Variants in NRXN3 observed in about 807,000 individuals in gnomAD.
NRXN3 encodes the protein neurexin III.
In NRXN3, 32 loss-of-function variants were observed where a neutral mutation model predicts 137.6. That is an observed-to-expected ratio of 0.23 (90% CI 0.18 to 0.31). NRXN3 has a LOEUF of 0.31. NRXN3 is among the 10% of genes least tolerant of loss of function. The pLI, the probability that NRXN3 is intolerant of heterozygous loss-of-function variation, is 1.00. For missense variants in NRXN3, 1,574 were observed against 2,062.5 expected (o/e 0.76, Z 4.59); for synonymous variants, 798 against 784.5 (o/e 1.02, Z -0.29).
At chr14:79,499,135 A>C (rs2096795569) in intron 16 of NRXN3, among the ~76,000 whole-genome samples, 1 of 152,164 alleles carries the variant, frequency 6.6e-6, no homozygotes, top group African/African-American at 2.4e-5. Context: ...TAAAATCCTC[A>C]TGTAGCTTTA....
intron 10 of NRXN3, among the ~76,000 whole-genome samples, chr14:78,920,373 T>G (rs1490886540): frequency 6.6e-6 from 1 of 152,234 alleles, no homozygotes; most frequent in Non-Finnish European, 1.5e-5. Flanking sequence ...CGGAAAATAC[T>G]GGAAATTTTT....
At chr14:78,718,766 A>G (rs373220128) in intron 8 of NRXN3, among the ~76,000 whole-genome samples, 1 of 152,168 alleles carries the variant, frequency 6.6e-6, no homozygotes, top group East Asian at 1.9e-4. Flanking sequence ...TACCTATCCC[A>G]ACTGTTTAGC....
chr14:78,930,213 T>C (rs1469047332), intron 10 of NRXN3, among the ~76,000 whole-genome samples: 1 of 152,136 alleles, frequency 6.6e-6, no homozygotes, highest in Non-Finnish European at 1.5e-5. Context: ...ACTAAGTTTG[T>C]AAGGTAAAAA....
chr14:78,538,760 T>C (rs2153818017), intron 4 of NRXN3, among the ~76,000 whole-genome samples: 1 of 152,324 alleles, frequency 6.6e-6, no homozygotes, highest in East Asian at 1.9e-4. Context: ...TTGTCATAAA[T>C]AGCTCTTATT....
rs118022814 is a variant in NRXN3 at position 78,270,688 on chromosome 14, T to A, written c.710-7957T>A. Among the ~76,000 whole-genome samples the A allele has an allele frequency of 2.8e-3, 433 of 152,358 alleles. 2 individuals carry two copies. Among genetic ancestry groups the A allele is most frequent in the Admixed American group, 5.2e-3 (79 of 15,304 alleles). On this transcript the variant is annotated intron_variant, in intron 2 of 20. Transcript: ENST00000335750. ...TAATAATTTCAATAAGTTTCCTGAA[T>A]GTTTACTATGTGCCTGGCATTGTGC...
At position 79,330,821 on chromosome 14, in the gene NRXN3, G is replaced by A. The variant is rs573231689; in HGVS notation, c.3263-136400G>A. Among the ~76,000 whole-genome samples the A allele has an allele frequency of 5.4e-4, 82 of 152,298 alleles. 1 individual carries two copies. Among genetic ancestry groups the A allele is most frequent in the African/African-American group, 1.8e-3 (76 of 41,564 alleles). ...TCACTTTCCTGTTTAACCTTGCCTGGAAAGATTGAGAGGTCCATGTCTAGT... is the reference window on the plus strand; with the variant it reads ...TCACTTTCCTGTTTAACCTTGCCTGAAAAGATTGAGAGGTCCATGTCTAGT... On this transcript the variant is annotated intron_variant, in intron 15 of 20. Transcript: ENST00000335750.
At chr14:79,738,552 GT>G (rs1234948725) in intron 19 of NRXN3, among the ~76,000 whole-genome samples, 1 of 152,030 alleles carries the variant, frequency 6.6e-6, no homozygotes, top group Non-Finnish European at 1.5e-5. Context: ...AAATAAATGT[GT>G]TTTTGTTTTG....
intron 16 of NRXN3, among the ~76,000 whole-genome samples, chr14:79,549,574 C>G (rs1448194062): frequency 6.6e-6 from 1 of 152,110 alleles, no homozygotes; most frequent in Admixed American, 6.6e-5. Flanking sequence ...CTGGAATAAG[C>G]AATCCTGGGT....
At chr14:79,449,984 C>T (rs1299368725) in intron 15 of NRXN3, among the ~76,000 whole-genome samples, 1 of 91,740 alleles carries the variant, frequency 1.1e-5, no homozygotes, top group Non-Finnish European at 2.1e-5. Flanking sequence ...GAGGGAAACT[C>T]CATCTCAAAA....
intron 15 of NRXN3, among the ~76,000 whole-genome samples, chr14:79,175,952 G>A (rs1409091736): frequency 6.6e-6 from 1 of 152,214 alleles, no homozygotes; most frequent in Non-Finnish European, 1.5e-5. Flanking sequence ...AGCGCTCTAG[G>A]CAAGCTTATG....
chr14:79,374,849 T>C (rs919844241), intron 15 of NRXN3, among the ~76,000 whole-genome samples: 1 of 152,198 alleles, frequency 6.6e-6, no homozygotes, highest in Non-Finnish European at 1.5e-5. Context: ...GTACCAATTA[T>C]GCAAGACTTC....
At chr14:78,980,104 C>A (rs1330832570) in intron 14 of NRXN3, among the ~76,000 whole-genome samples, 1 of 152,310 alleles carries the variant, frequency 6.6e-6, no homozygotes, top group South Asian at 2.1e-4. Flanking sequence ...TTAGGTTACA[C>A]CGATAGAGTC....
At chr14:79,465,062 T>C (rs1443323456) in intron 15 of NRXN3, among the ~76,000 whole-genome samples, 1 of 152,200 alleles carries the variant, frequency 6.6e-6, no homozygotes, top group African/African-American at 2.4e-5. Flanking sequence ...TTTTTATAAA[T>C]TGCCATGAAA....
chr14:78,187,081 A>T (rs567099341), intron 1 of NRXN3, among the ~76,000 whole-genome samples: 1 of 152,140 alleles, frequency 6.6e-6, no homozygotes, highest in Non-Finnish European at 1.5e-5. Context: ...TACTTTGTGC[A>T]TGGATTGTGC....
chr14:79,017,788 G>A (rs1266426070), intron 15 of NRXN3, among the ~76,000 whole-genome samples: 1 of 152,142 alleles, frequency 6.6e-6, no homozygotes, highest in Non-Finnish European at 1.5e-5. Flanking sequence ...AGAAGCACCT[G>A]AAACCCAGTC....
intron 15 of NRXN3, among the ~76,000 whole-genome samples, chr14:79,060,434 G>A (rs541422170): frequency 5.3e-5 from 8 of 152,244 alleles, no homozygotes; most frequent in Admixed American, 3.9e-4. Context: ...TATGTACATG[G>A]AAATTAGCCA....
At chr14:79,566,609 A>T (rs965620728) in intron 16 of NRXN3, among the ~76,000 whole-genome samples, 2 of 152,124 alleles carry the variant, frequency 1.3e-5, no homozygotes, top group African/African-American at 4.8e-5. Flanking sequence ...CCAGACATAC[A>T]TCACCAGGGT....
intron 4 of NRXN3, among the ~76,000 whole-genome samples, chr14:78,536,271 C>G (rs1461011686): frequency 2.6e-5 from 4 of 152,188 alleles, no homozygotes; most frequent in African/African-American, 4.8e-5. Flanking sequence ...TCTACTGGCT[C>G]CTAGACCTTC....
rs2098719306 is a variant in NRXN3, at chr14:79,692,225, A to G, written c.3669A>G (p.Lys1223=). 5 of 1,610,264 alleles carry G rather than the reference A, an allele frequency of 3.1e-6. No homozygotes were observed. The highest frequency in any genetic ancestry group is 2.2e-5 in the East Asian group (1 of 44,698). Residue 1223 remains lysine (K), a synonymous_variant, in exon 18 of 21, where the codon AAA becomes AAG. Coordinates refer to ENST00000335750, the MANE Select transcript of NRXN3 (RefSeq NM_001330195.2). The part of the protein sequence containing the change: ...FQMVKQKIPF[K]YNRPVEEWLQ... The stretch of plus-strand genomic sequence containing the variant: ...TGGTAAAACAGAAAATCCCCTTCAA[A>G]TATAATCGGCCTGTAGAGGAGTGGC...
Sources: allele counts gnomAD v4.1 joint callset (sites outside exome capture counted in the v4.1 genomes callset), GRCh38; gene constraint gnomAD v4.1.1; transcripts MANE v1.5; gene names NCBI Gene and HGNC (gene_info 2026-07-23, HGNC 2026-07-21).